The following CPT1C variants were observed in gnomAD, a reference collection of about 807,000 sequenced individuals.
CPT1C encodes the protein carnitine palmitoyltransferase 1C.
In CPT1C, 61 loss-of-function variants were observed where a neutral mutation model predicts 97.3. The observed-to-expected ratio is 0.63, with a 90% CI of 0.51 to 0.78. CPT1C has a LOEUF of 0.78. CPT1C is among the 30% of genes least tolerant of loss of function. The pLI is 0.00. For synonymous variants in CPT1C, 469 were observed against 447.2 expected, an observed-to-expected ratio of 1.05 and a Z score of -0.61; for missense variants, 975 against 1,065.5, an observed-to-expected ratio of 0.92 and a Z score of 1.18.
In CPT1C at chr19:49,710,427, C is replaced by G. The variant is rs770659288; in HGVS notation, c.1674C>G (p.Arg558=). 6 of 1,614,086 alleles carry G rather than the reference C, an allele frequency of 3.7e-6. No individual in the cohort carries two copies. Among genetic ancestry groups the G allele is most frequent in the Non-Finnish European group, 5.1e-6 (6 of 1,180,048 alleles). The change falls in exon 15 of 20, where the codon CGC becomes CGG. Residue 558 remains arginine, a synonymous_variant. Coordinates refer to ENST00000598293, the MANE Select transcript of CPT1C (RefSeq NM_001199753.2). ...FSLFGKSFIR[R]CHLSSDSFIQ... is the part of the protein sequence containing the mutation. ...TATTTGGCAAGAGCTTCATCCGACGCTGCCACCTCTCTTCAGACAGCTTCA... is the reference window on the plus strand; with the variant it reads ...TATTTGGCAAGAGCTTCATCCGACGGTGCCACCTCTCTTCAGACAGCTTCA...
Position 49,706,744 on chromosome 19 carries a change from C to T in CPT1C, c.1343+331C>T, listed in dbSNP as rs1196757203. 3.9e-5 allele frequency among the ~76,000 whole-genome samples: 6 copies of T among 152,070 alleles called. No homozygotes were observed. Among genetic ancestry groups the T allele is most frequent in the African/African-American group, 1.4e-4 (6 of 41,414 alleles). Reference sequence around the variant, plus strand: ...CCCCAGATCTGAGGACCACCAAACCCAGGACCCCTAGGCCCAGGGACCCCA... The same window carrying T: ...CCCCAGATCTGAGGACCACCAAACCTAGGACCCCTAGGCCCAGGGACCCCA... On this transcript the variant is annotated intron_variant, in intron 12 of 19. Coordinates refer to ENST00000598293, the MANE Select transcript of CPT1C (RefSeq NM_001199753.2). This position sits in a 1 kb window ranked among gnomAD's most constrained non-coding sequence, Gnocchi z 4.8.
At chr19:49,704,006 C>T (rs77732657) in intron 7 of CPT1C, among the ~76,000 whole-genome samples, 109 of 152,156 alleles carry the variant, frequency 7.2e-4, no homozygotes, top group African/African-American at 2.5e-3. Context: ...ACAACAACAA[C>T]AAAAAACCCT....
chr19:49,713,513 G>A lies in CPT1C; in HGVS notation c.2320G>A (p.Gly774Arg), dbSNP rs780693555. The change falls in exon 20 of 20, where the codon GGG becomes AGG. Residue 774 changes from glycine to arginine, a missense_variant. Gly to Arg is a moderately radical substitution (Grantham distance 125). Around this residue, in one of 3 missense-constraint regions of CPT1C, gnomAD observed 344 missense variants for 395.7 expected, o/e 0.87. Transcript: ENST00000598293. ...AGQHFKRRFR[G>R]SGKENSRHRC... is the part of the protein sequence containing the mutation. ...ACAGCATTTTAAGCGCCGGTTCAGA[G>A]GGTCAGGGAAGGAGAACTCCAGGCA... 6.2e-7 allele frequency: 1 copy of A among 1,614,228 alleles called. No homozygotes were observed. The highest frequency in any genetic ancestry group is 8.5e-7 in the Non-Finnish European group (1 of 1,180,048).
intron 16 of CPT1C, chr19:49,711,396 T>G (rs10407097): frequency 2.3e-5 from 4 of 170,272 alleles, no homozygotes; most frequent in African/African-American, 9.6e-5. Flanking sequence ...CGTGAGCCAA[T>G]GCACCTGGCT....
At chr19:49,699,623 T>C (rs2082881552) in intron 4 of CPT1C, among the ~76,000 whole-genome samples, 1 of 152,084 alleles carries the variant, frequency 6.6e-6, no homozygotes, top group Non-Finnish European at 1.5e-5. Flanking sequence ...TTTTCCTAAA[T>C]TTAAGCTTGT....
At chr19:49,697,736 AC>A (rs2082748697) in intron 4 of CPT1C, 1 of 310,786 alleles carries the variant, frequency 3.2e-6, no homozygotes, top group Admixed American at 5.0e-5. Context: ...ACATGGTGAA[AC>A]CTTGTCTCTA....
chr19:49,693,787 G>T (rs575987596), intron 3 of CPT1C, among the ~76,000 whole-genome samples: 2 of 152,062 alleles, frequency 1.3e-5, no homozygotes, highest in Non-Finnish European at 2.9e-5. Flanking sequence ...GGTCGGGCAC[G>T]GTGGCTCATG....
Position 49,710,757 on chromosome 19 carries a change from C to T in CPT1C, c.1766C>T (p.Ala589Val), listed in dbSNP as rs2083819055. 2 of 1,613,870 alleles carry T rather than the reference C, an allele frequency of 1.2e-6. No individual in the cohort carries two copies. Among genetic ancestry groups the T allele is most frequent in the Non-Finnish European group, 1.7e-6 (2 of 1,179,916 alleles). Reference sequence around the variant, plus strand: ...CAATTCTGCCTGACTTATGAGTCGGCCATGACTCGCTTATTCCTGGAAGGC... The same window carrying T: ...CAATTCTGCCTGACTTATGAGTCGGTCATGACTCGCTTATTCCTGGAAGGC... ...RGQFCLTYESAMTRLFLEGRT... is the reference protein window; with the variant it reads ...RGQFCLTYESVMTRLFLEGRT... Residue 589 changes from alanine to valine, a missense_variant, in exon 16 of 20, where the codon GCC becomes GTC. Physicochemically the swap from Ala to Val is moderately conservative, Grantham distance 64. Coordinates refer to ENST00000598293, the MANE Select transcript of CPT1C (RefSeq NM_001199753.2).
chr19:49,708,749 G>A lies in CPT1C; in HGVS notation c.1476G>A (p.Gln492=), dbSNP rs2083659999. 6.2e-7 allele frequency: 1 copy of A among 1,614,018 alleles called. No individual in the cohort carries two copies. The highest frequency in any genetic ancestry group is 2.2e-5 in the East Asian group (1 of 44,872). The change falls in exon 14 of 20, where the codon CAG becomes CAA. Residue 492 remains glutamine, a synonymous_variant. Transcript: ENST00000598293. ...WEFTLATECF[Q]LGYSTDGHCK... is the part of the protein sequence containing the mutation. ...TCACTCTGGCTACAGAATGCTTTCA[G>A]CTGGGCTACTCAACAGACGGCCACT...
chr19:49,712,667 A>G, intron 17 of CPT1C, 69 bp from the exon 18 acceptor site: 1 of 1,133,916 alleles, frequency 8.8e-7, no homozygotes, highest in South Asian at 1.2e-5. Context: ...GGATGCAGGG[A>G]GTGAAGTGGA....
chr19:49,698,480 T>A (rs924871025), intron 4 of CPT1C, among the ~76,000 whole-genome samples: 1 of 151,196 alleles, frequency 6.6e-6, no homozygotes, highest in Non-Finnish European at 1.5e-5. Context: ...CTGGACAACA[T>A]AGTGAAACCC....
chr19:49,705,940 C>T lies in CPT1C; in HGVS notation c.996C>T (p.His332=), dbSNP rs199774629. Residue 332 remains histidine (H), a synonymous_variant, in exon 11 of 20, where the codon CAC becomes CAT. Transcript: ENST00000598293. ...TCCGCCACCTCCATGACAGCCAACA[C>T]GTGGCTGTCTTCCACCGGGGCCGAT... ...DYIRHLHDSQ[H]VAVFHRGRFF... is the part of the protein sequence containing the mutation. 4.6e-4 allele frequency: 735 copies of T among 1,613,852 alleles called. 16 individuals carry two copies. In the South Asian group the frequency reaches 6.7e-3, roughly 15 times the overall value.
At chr19:49,695,096 G>A (rs71353325) in intron 3 of CPT1C, among the ~76,000 whole-genome samples, 1 of 151,700 alleles carries the variant, frequency 6.6e-6, no homozygotes, top group Non-Finnish European at 1.5e-5. Flanking sequence ...AGCCGAGATC[G>A]TGCCACTGCA....
In CPT1C at chr19:49,705,977, G is replaced by C; in HGVS notation, c.1033G>C (p.Gly345Arg). Residue 345 changes from glycine (G) to arginine (R), a missense_variant, in exon 11 of 20, where the codon GGG (glycine) becomes CGG (arginine). Gly to Arg is a moderately radical substitution (Grantham distance 125). This residue lies in a region of CPT1C where 596 missense variants were observed against 603.1 expected (regional missense o/e 0.99). Transcript: ENST00000598293. The part of the protein sequence containing the change: ...VFHRGRFFRM[G>R]THSRNSLLSP... ...CCACCGGGGCCGATTCTTCCGCATG[G>C]GGACCCACTCCCGAAACAGCCTGCT... is the stretch of plus-strand genomic sequence containing the variant. The C allele has an allele frequency of 3.7e-6, 6 of 1,613,938 alleles. No homozygotes were observed. The highest frequency in any genetic ancestry group is 5.1e-6 in the Non-Finnish European group (6 of 1,179,962).
chr19:49,690,683 A>C, upstream of CPT1C: 1 of 540,836 alleles, frequency 1.8e-6, no homozygotes, highest in Non-Finnish European at 3.1e-6. The surrounding 1 kb of genome is among the most constrained non-coding windows in gnomAD (Gnocchi z 4.4). Context: ...CCCACTGTCT[A>C]CCTTGAATCC....
Position 49,711,937 on chromosome 19 carries a change from C to T in CPT1C, c.1995C>T (p.His665=), listed in dbSNP as rs758567289. 10 of 1,613,998 alleles carry T rather than the reference C, an allele frequency of 6.2e-6. No individual in the cohort carries two copies. The highest frequency in any genetic ancestry group is 1.6e-4 in the Middle Eastern group (1 of 6,084). ...TGTACATCGTGTCCCGATTCCTCCA[C>T]CTGCAGTCGCCCTTCCTGACCCAGG... ...FALYIVSRFL[H]LQSPFLTQVH... is the part of the protein sequence containing the mutation. Residue 665 remains histidine, a synonymous_variant, in exon 17 of 20, where the codon CAC becomes CAT. Transcript: ENST00000598293.
Position 49,701,538 on chromosome 19 carries a change from C to T in CPT1C, c.597C>T (p.Phe199=). ...SVRPILSDED[F]DWTAVLAQEF... ...GGCCCATCCTCTCCGACGAGGACTT[C>T]GACTGGACCGCGGTCCTGGCGCAGG... Residue 199 remains phenylalanine, a synonymous_variant, in exon 7 of 20, where the codon TTC becomes TTT. Coordinates refer to ENST00000598293, the MANE Select transcript of CPT1C (RefSeq NM_001199753.2). The T allele has an allele frequency of 6.2e-7, 1 of 1,612,358 alleles. No homozygotes were observed. Among genetic ancestry groups the T allele is most frequent in the Non-Finnish European group, 8.5e-7 (1 of 1,179,016 alleles).
At chr19:49,693,286 A>G (rs999479789) in intron 3 of CPT1C, among the ~76,000 whole-genome samples, 11 of 152,094 alleles carry the variant, frequency 7.2e-5, no homozygotes, top group South Asian at 2.1e-4. Context: ...GTCTCCATAC[A>G]GGGACTCCCT....
At chr19:49,702,206 A>ATT (rs2083213313) in intron 7 of CPT1C, among the ~76,000 whole-genome samples, 1 of 133,350 alleles carries the variant, frequency 7.5e-6, no homozygotes, top group African/African-American at 2.9e-5. Flanking sequence ...ATATTTATTT[A>ATT]TATATATATG....
Sources: gnomAD v4.1 joint callset for allele counts (sites outside exome capture counted in the v4.1 genomes callset) on GRCh38, gnomAD v4.1.1 for gene constraint, gnomAD v4.1.1 regional missense constraint, Gnocchi (gnomAD v3.1) non-coding constraint, MANE v1.5 for transcripts, NCBI Gene and HGNC (gene_info 2026-07-23, HGNC 2026-07-21) for gene names.